Variants in NOTCH2NLA observed in about 807,000 individuals in gnomAD.
NOTCH2NLA encodes the protein notch homolog 2 N-terminal-like protein A.
At chr1:146,175,658 TCTA>T (rs1553808014) in intron 2 of NOTCH2NLA, among the ~76,000 whole-genome samples, 1 of 140,394 alleles carries the variant, frequency 7.1e-6, no homozygotes, top group African/African-American at 2.5e-5. Context: ...AGCTCATTTT[TCTA>T]CTATGTAAAT....
rs1218714899 is a variant in NOTCH2NLA, at chr1:146,228,864, C to T, written c.-200G>A. On this transcript the variant is annotated 5_prime_UTR_variant, in exon 1 of 5. Coordinates refer to ENST00000362074, the Ensembl canonical transcript of NOTCH2NLA. ...GGAGGGGGTCCCGATAGAGGAGCCC[C>T]ACTCTCTCCTCCCCTCCTCCTGCTT... The T allele has an allele frequency of 3.4e-6, 5 of 1,479,594 alleles. No homozygotes were observed. In the African/African-American group the frequency reaches 7.5e-5, roughly 22 times the overall value. 91.7% of individuals were successfully genotyped at this position (1,479,594 alleles called of 1,614,324 possible). A position where few individuals can be genotyped will look rare whatever the true frequency, so the allele number is the denominator to read the frequency against.
downstream of NOTCH2NLA, chr1:146,154,001 C>T (rs1772525): frequency 0.19 from 19,076 of 102,298 alleles, 2,625 homozygotes; most frequent in African/African-American, 0.48. Flanking sequence ...ATCTGCACAA[C>T]GCCATACACA....
chr1:146,186,167 C>T (rs2102324533), intron 2 of NOTCH2NLA, among the ~76,000 whole-genome samples: 1 of 134,202 alleles, frequency 7.5e-6, no homozygotes, highest in South Asian at 2.4e-4. Flanking sequence ...TCTCTTTATA[C>T]AAGTTTTGTT....
intron 2 of NOTCH2NLA, among the ~76,000 whole-genome samples, chr1:146,180,810 A>C (rs1438578801): frequency 2.3e-5 from 3 of 127,758 alleles, no homozygotes; most frequent in African/African-American, 5.2e-5. Flanking sequence ...AATAAATTTT[A>C]AAGTGCTTGG....
intron 1 of NOTCH2NLA, among the ~76,000 whole-genome samples, chr1:146,219,763 G>T (rs1664015333): frequency 1.4e-5 from 1 of 73,622 alleles, no homozygotes; most frequent in African/African-American, 8.3e-5. Context: ...ATGTGTGTGT[G>T]CATATATATA....
Position 146,186,862 on chromosome 1 carries a change from A to AC in NOTCH2NLA, c.38+2437_38+2438insG, listed in dbSNP as rs1290339814. On this transcript the variant is annotated intron_variant, in intron 2 of 4. Coordinates refer to ENST00000362074, the Ensembl canonical transcript of NOTCH2NLA. ...CCTGAATGCTATGTGAAATAAATAA[A>AC]TTTTTTTTTAATTTTGCTTTTAAGT... 8.2e-5 allele frequency among the ~76,000 whole-genome samples: 11 copies of AC among 134,696 alleles called. 4 individuals carry two copies. Among genetic ancestry groups the AC allele is most frequent in the Non-Finnish European group, 1.7e-4 (10 of 58,138 alleles). The allele number at this position is 134,696 out of a possible 152,430, so 88.4% of individuals were successfully genotyped here.
chr1:146,159,227 G>T (rs10797645), intron 3 of NOTCH2NLA, among the ~76,000 whole-genome samples: 2 of 150,998 alleles, frequency 1.3e-5, no homozygotes, highest in East Asian at 4.0e-4. Flanking sequence ...GCTTCATAGC[G>T]CATGCCTGTA....
intron 3 of NOTCH2NLA, among the ~76,000 whole-genome samples, chr1:146,158,666 T>C (rs1338975650): frequency 2.0e-5 from 3 of 152,160 alleles, no homozygotes; most frequent in Admixed American, 1.3e-4. Flanking sequence ...TTTATAATTC[T>C]TTGGGTATAT....
At chr1:146,180,953 C>T (rs1662520800) in intron 2 of NOTCH2NLA, among the ~76,000 whole-genome samples, 1 of 90,182 alleles carries the variant, frequency 1.1e-5, no homozygotes, top group Non-Finnish European at 2.7e-5. Flanking sequence ...AAATATTTCT[C>T]ATTTTGCTTA....
chr1:146,158,229 A>G (rs1286874758), intron 3 of NOTCH2NLA, among the ~76,000 whole-genome samples: 5 of 150,226 alleles, frequency 3.3e-5, no homozygotes, highest in South Asian at 2.1e-4. Flanking sequence ...GGTTTGTTAC[A>G]TATGTATATA....
At chr1:146,180,872 G>A in intron 2 of NOTCH2NLA, among the ~76,000 whole-genome samples, 1 of 113,020 alleles carries the variant, frequency 8.8e-6, no homozygotes, top group Non-Finnish European at 2.1e-5. Context: ...CCATTCCTTT[G>A]CTATCATTCA....
At chr1:146,209,687 TAAG>T (rs1663745898) in intron 1 of NOTCH2NLA, among the ~76,000 whole-genome samples, 1 of 125,804 alleles carries the variant, frequency 7.9e-6, no homozygotes, top group African/African-American at 2.7e-5. Context: ...CTTTGAAAAA[TAAG>T]AAGATTCCTT....
At position 146,228,831 on chromosome 1, in the gene NOTCH2NLA, C is replaced by G. The variant is rs1553820534; in HGVS notation, c.-167G>C. On this transcript the variant is annotated 5_prime_UTR_variant, in exon 1 of 5. Transcript: ENST00000362074. ...CGCCGCCGCGGCCGCCTGGGCAGAT[C>G]CACATGGGGAGGGGGTCCCGATAGA... 5.3e-6 allele frequency: 8 copies of G among 1,520,354 alleles called. No individual in the cohort carries two copies. In the South Asian group the frequency reaches 6.0e-5, roughly 11 times the overall value. 94.2% of individuals were successfully genotyped at this position (1,520,354 alleles called of 1,614,324 possible).
At chr1:146,185,205 C>G (rs1662703117) in intron 2 of NOTCH2NLA, among the ~76,000 whole-genome samples, 1 of 134,842 alleles carries the variant, frequency 7.4e-6, no homozygotes, top group African/African-American at 2.5e-5. Flanking sequence ...AAATCATAAC[C>G]TAACCTACCC....
chr1:146,178,607 TAA>T (rs1156906277), intron 2 of NOTCH2NLA, among the ~76,000 whole-genome samples: 3 of 95,770 alleles, frequency 3.1e-5, no homozygotes, highest in African/African-American at 6.4e-5. Context: ...GTCTATTTTT[TAA>T]GAGTGACCCA....
intron 2 of NOTCH2NLA, among the ~76,000 whole-genome samples, chr1:146,171,367 G>A (rs1344469041): frequency 7.1e-6 from 1 of 140,426 alleles, no homozygotes; most frequent in Admixed American, 7.4e-5. Flanking sequence ...GAAGTTGGAG[G>A]TTGCAGTGAG....
chr1:146,207,815 CTTT>C (rs74543040), intron 1 of NOTCH2NLA, among the ~76,000 whole-genome samples: 3 of 72,222 alleles, frequency 4.2e-5, no homozygotes, highest in Admixed American at 1.3e-4. Context: ...ATACCACTTT[CTTT>C]TTTTTTTTTT....
At chr1:146,228,339 G>A (rs1251459338) in intron 1 of NOTCH2NLA, 1 of 981,698 alleles carries the variant, frequency 1.0e-6, no homozygotes, top group African/African-American at 1.8e-5. Flanking sequence ...GCTCTCGCTC[G>A]ACCCCAGGAA....
chr1:146,195,167 A>G (rs1240541893), intron 1 of NOTCH2NLA, among the ~76,000 whole-genome samples: 8 of 112,586 alleles, frequency 7.1e-5, no homozygotes, highest in Non-Finnish European at 9.2e-5. Context: ...TGAGTATTTG[A>G]AGCAATGCAG....
Sources: gnomAD v4.1 joint callset for allele counts (sites outside exome capture counted in the v4.1 genomes callset) on GRCh38, gnomAD v4.1.1 for gene constraint, MANE v1.5 for transcripts, NCBI Gene and HGNC (gene_info 2026-07-23, HGNC 2026-07-21) for gene names.